The following PCBP3 variants were observed in gnomAD, a reference collection of about 807,000 sequenced individuals.
PCBP3 encodes the protein poly(rC) binding protein 3, also known as poly(rC)-binding protein 3.
In PCBP3, 25 loss-of-function variants were observed where a neutral mutation model predicts 52.7. That is an observed-to-expected ratio of 0.47 (90% CI 0.35 to 0.66). PCBP3 has a LOEUF of 0.66. Ranked by LOEUF, PCBP3 falls within the 30% of genes least tolerant of loss-of-function variation. The pLI is 0.01. For missense variants in PCBP3, 391 were observed against 490.3 expected (o/e 0.80, Z 1.91); for synonymous variants, 162 against 183.0 (o/e 0.89, Z 0.93).
At chr21:45,850,346 C>T (rs1490527913) in intron 5 of PCBP3, among the ~76,000 whole-genome samples, 3 of 152,132 alleles carry the variant, frequency 2.0e-5, no homozygotes, top group African/African-American at 4.8e-5. Flanking sequence ...AGGTGGTTCT[C>T]GCACAGCCTT....
chr21:45,746,625 C>T lies in PCBP3; in HGVS notation c.-161-8792C>T, dbSNP rs1248609053. On this transcript the variant is annotated intron_variant, in intron 3 of 17. Transcript: ENST00000681687. ...TGTCAGTCCATTGACGTAGCGCACA[C>T]GGTGGTGTCAGCATCGCCGTGTCAG... Among the ~76,000 whole-genome samples the T allele has an allele frequency of 5.0e-3, 208 of 41,568 alleles. 33 individuals are homozygous for T. The highest frequency in any genetic ancestry group is 5.7e-3 in the Non-Finnish European group (123 of 21,674). 27.3% of individuals were successfully genotyped at this position (41,568 alleles called of 152,430 possible).
chr21:45,892,908 G>A (rs1239845508), intron 5 of PCBP3, among the ~76,000 whole-genome samples: 1 of 152,186 alleles, frequency 6.6e-6, no homozygotes, highest in Non-Finnish European at 1.5e-5. Context: ...GGGCCACTGT[G>A]TGAGCTGGAA....
intron 2 of PCBP3, among the ~76,000 whole-genome samples, chr21:45,677,043 G>A (rs534472052): frequency 2.0e-5 from 3 of 152,240 alleles, no homozygotes; most frequent in South Asian, 2.1e-4. Flanking sequence ...AAAGTGCTGC[G>A]TTAGCCACTG....
chr21:45,923,495 T>G (rs2074768596), intron 13 of PCBP3, among the ~76,000 whole-genome samples: 2 of 152,188 alleles, frequency 1.3e-5, no homozygotes, highest in Admixed American at 6.5e-5. Flanking sequence ...AGGGCCCCAG[T>G]GGCACGGCTC....
intron 4 of PCBP3, among the ~76,000 whole-genome samples, chr21:45,771,341 G>A (rs2089848495): frequency 6.6e-6 from 1 of 152,234 alleles, no homozygotes; most frequent in Non-Finnish European, 1.5e-5. Context: ...CAAGCACATG[G>A]TGGGCGTTCA....
In PCBP3 at chr21:45,647,009, T is replaced by C. The variant is rs141283366; in HGVS notation, c.-279+3141T>C. On this transcript the variant is annotated intron_variant, in intron 1 of 17. Coordinates refer to ENST00000681687, the MANE Select transcript of PCBP3 (RefSeq NM_001384156.1). Reference sequence around the variant, plus strand: ...AATCATTTTACATGAATCTTTTCTTTCTCTTGAGGTTAATGTTGTCAGTTA... The same window carrying C: ...AATCATTTTACATGAATCTTTTCTTCCTCTTGAGGTTAATGTTGTCAGTTA... 2.0e-4 allele frequency among the ~76,000 whole-genome samples: 30 copies of C among 152,298 alleles called. 2 individuals are homozygous for C. The East Asian group carries it at 5.6e-3, about 28-fold the overall frequency.
At chr21:45,819,648 T>C (rs930463842) in intron 4 of PCBP3, among the ~76,000 whole-genome samples, 1 of 152,042 alleles carries the variant, frequency 6.6e-6, no homozygotes, top group African/African-American at 2.4e-5. Flanking sequence ...TCTACAGTCT[T>C]CCCCAGGTGC....
chr21:45,823,262 G>A (rs902339909), intron 4 of PCBP3, among the ~76,000 whole-genome samples: 8 of 152,074 alleles, frequency 5.3e-5, no homozygotes, highest in East Asian at 1.9e-4. Context: ...CCTCCCCAGC[G>A]CCCGCTGGCA....
At chr21:45,673,093 A>G (rs1043739507) in intron 2 of PCBP3, among the ~76,000 whole-genome samples, 1 of 152,214 alleles carries the variant, frequency 6.6e-6, no homozygotes, top group African/African-American at 2.4e-5. Flanking sequence ...GCTGTCTGAC[A>G]GCAGTTTTTA....
intron 3 of PCBP3, among the ~76,000 whole-genome samples, chr21:45,738,713 A>G (rs1169203454): frequency 2.4e-4 from 33 of 139,424 alleles, no homozygotes; most frequent in South Asian, 1.0e-3. Context: ...CCCCCTGGGT[A>G]GCCCCCCCAT....
intron 4 of PCBP3, among the ~76,000 whole-genome samples, chr21:45,776,505 T>G (rs1026822857): frequency 2.0e-5 from 3 of 151,932 alleles, no homozygotes; most frequent in Non-Finnish European, 2.9e-5. Flanking sequence ...TCTGTCTCCC[T>G]CTTTAGATCT....
intron 1 of PCBP3, among the ~76,000 whole-genome samples, chr21:45,644,173 G>A (rs921207747): frequency 2.6e-5 from 4 of 151,618 alleles, no homozygotes; most frequent in East Asian, 1.9e-4. Flanking sequence ...CTCGGATGTG[G>A]GTCAGAAAAC....
intron 4 of PCBP3, among the ~76,000 whole-genome samples, chr21:45,776,784 C>G (rs141296333): frequency 1.2e-4 from 19 of 152,248 alleles, no homozygotes; most frequent in African/African-American, 3.9e-4. Flanking sequence ...TCGTAAGCAG[C>G]ATTTAGTTGG....
At chr21:45,916,419 C>G (rs1480195082) in intron 12 of PCBP3, 1 of 152,350 alleles carries the variant, frequency 6.6e-6, no homozygotes, top group Non-Finnish European at 1.5e-5. Context: ...TGACGCAGCA[C>G]TGTGGCCTCA....
chr21:45,843,813 C>T (rs2093747808), intron 4 of PCBP3, among the ~76,000 whole-genome samples: 1 of 152,200 alleles, frequency 6.6e-6, no homozygotes, highest in South Asian at 2.1e-4. Flanking sequence ...TCTCTGAGAG[C>T]CTTAGGAGAA....
intron 9 of PCBP3, among the ~76,000 whole-genome samples, chr21:45,908,405 T>C (rs1395250163): frequency 6.6e-6 from 1 of 152,156 alleles, no homozygotes; most frequent in East Asian, 1.9e-4. Context: ...GCACAAAAAA[T>C]AGACAAAGGG....
rs1458761767 is a variant in PCBP3 at position 45,923,939 on chromosome 21, G to A, written c.718-5978G>A. Among the ~76,000 whole-genome samples, 16 of 62,726 alleles carry A rather than the reference G, an allele frequency of 2.6e-4. 1 individual carries two copies. The highest frequency in any genetic ancestry group is 1.9e-3 in the Admixed American group (15 of 7,740). 41.2% of individuals were successfully genotyped at this position (62,726 alleles called of 152,430 possible). A position where few individuals can be genotyped will look rare whatever the true frequency, so the allele number is the denominator to read the frequency against. ...GAGTGGGTAGAAACAGCACACGTAA[G>A]ATCAGGTGTGCACGAGGAGATGCGA... is the stretch of plus-strand genomic sequence containing the variant. On this transcript the variant is annotated intron_variant, in intron 13 of 17. Transcript: ENST00000681687.
chr21:45,738,340 C>T (rs1397164085), intron 3 of PCBP3, among the ~76,000 whole-genome samples: 4 of 151,346 alleles, frequency 2.6e-5, no homozygotes, highest in Non-Finnish European at 5.9e-5. Flanking sequence ...CTTCAAGCTC[C>T]GCCTCCCGGG....
At chr21:45,884,863 C>T (rs189214720) in intron 5 of PCBP3, among the ~76,000 whole-genome samples, 1 of 152,250 alleles carries the variant, frequency 6.6e-6, no homozygotes, top group East Asian at 1.9e-4. Context: ...TTTTACTGTC[C>T]CTCATTTATG....
Sources: allele counts gnomAD v4.1 joint callset (sites outside exome capture counted in the v4.1 genomes callset), GRCh38; gene constraint gnomAD v4.1.1; transcripts MANE v1.5; gene names NCBI Gene and HGNC (gene_info 2026-07-23, HGNC 2026-07-21).